The following FANK1 variants were observed in gnomAD, a reference collection of about 807,000 sequenced individuals.
The protein encoded by FANK1 is fibronectin type III and ankyrin repeat domains 1.
In FANK1, 44 loss-of-function variants were observed where a neutral mutation model predicts 45.3. The ratio of observed to expected loss-of-function variants is 0.97; its 90% confidence interval spans 0.76 to 1.25. The LOEUF is 1.25. Among genes scored for constraint, FANK1 ranks in the 50% most tolerant of loss-of-function variants. The pLI, the probability that FANK1 is intolerant of heterozygous loss-of-function variation, is 0.00. For missense variants in FANK1, 391 were observed against 424.4 expected (o/e 0.92, Z 0.69); for synonymous variants, 149 against 152.5 (o/e 0.98, Z 0.17).
intron 1 of FANK1, among the ~76,000 whole-genome samples, chr10:125,918,605 T>C (rs1490766246): frequency 2.6e-5 from 3 of 116,244 alleles, no homozygotes; most frequent in African/African-American, 9.8e-5. Context: ...TATATATATA[T>C]ATAGTTATAT....
intron 1 of FANK1, among the ~76,000 whole-genome samples, chr10:125,935,996 T>C (rs1448323452): frequency 3.3e-5 from 5 of 152,198 alleles, no homozygotes; most frequent in African/African-American, 1.2e-4. Flanking sequence ...CGTCATTAGG[T>C]AGTAGCATGT....
At chr10:125,919,291 C>G (rs543661537) in intron 1 of FANK1, among the ~76,000 whole-genome samples, 3 of 141,430 alleles carry the variant, frequency 2.1e-5, no homozygotes, top group Non-Finnish European at 4.5e-5. Context: ...CTGCAACCTC[C>G]GCTTCCCGGT....
intron 1 of FANK1, among the ~76,000 whole-genome samples, chr10:125,902,981 A>G (rs1945171591): frequency 1.3e-5 from 2 of 152,222 alleles, no homozygotes; most frequent in Admixed American, 1.3e-4. Context: ...AGTGTCTTTT[A>G]AACAGTCATG....
chr10:125,962,968 CATT>C (rs1950011737), intron 1 of FANK1, among the ~76,000 whole-genome samples: 1 of 150,740 alleles, frequency 6.6e-6, no homozygotes, highest in South Asian at 2.1e-4. Context: ...AATGTTGATA[CATT>C]ATTATTATTA....
At chr10:125,975,555 CT>C (rs1471766189) in intron 1 of FANK1, among the ~76,000 whole-genome samples, 1 of 152,076 alleles carries the variant, frequency 6.6e-6, no homozygotes, top group African/African-American at 2.4e-5. Context: ...GATGGCCTCT[CT>C]TTGTGGTTTT....
Position 125,973,358 on chromosome 10 carries a change from G to C in FANK1, c.14-6803G>C, listed in dbSNP as rs3740188. ...TAATCCATAACAGTCTACCATTCCT[G>C]GTGTTTGGTTTTAGTGGGCTGTGAA... On this transcript the variant is annotated intron_variant, in intron 1 of 10. Transcript: ENST00000368693. 9 of 834,110 alleles carry C rather than the reference G, an allele frequency of 1.1e-5. No individual in the cohort carries two copies. In the African/African-American group the frequency reaches 1.5e-4, roughly 14 times the overall value. The allele number at this position is 834,110 out of a possible 1,614,324, so 51.7% of individuals were successfully genotyped here.
chr10:126,000,844 C>T (rs117277814), intron 6 of FANK1, among the ~76,000 whole-genome samples: 2,545 of 152,232 alleles, frequency 0.017, 40 homozygotes, highest in Non-Finnish European at 0.027. Flanking sequence ...CCAAAAAAGC[C>T]TCCACACACA....
At chr10:125,980,546 C>A in intron 2 of FANK1, 1 of 510,896 alleles carries the variant, frequency 2.0e-6, no homozygotes, top group Non-Finnish European at 3.4e-6. Context: ...TTGAGAGCTT[C>A]TTTGACTTCT....
At chr10:125,953,841 T>C (rs1216968885) in intron 1 of FANK1, among the ~76,000 whole-genome samples, 1 of 152,164 alleles carries the variant, frequency 6.6e-6, no homozygotes, top group Non-Finnish European at 1.5e-5. Flanking sequence ...GCCTGTAACA[T>C]GGGCCATGAT....
Position 126,009,580 on chromosome 10 carries a change from T to C in FANK1, c.*142T>C. The C allele has an allele frequency of 1.2e-6, 1 of 841,474 alleles. No homozygotes were observed. The highest frequency in any genetic ancestry group is 1.8e-6 in the Non-Finnish European group (1 of 545,052). 52.1% of individuals were successfully genotyped at this position (841,474 alleles called of 1,614,324 possible). A position where few individuals can be genotyped will look rare whatever the true frequency, so the allele number is the denominator to read the frequency against. On this transcript the variant is annotated 3_prime_UTR_variant, in exon 11 of 11. Coordinates refer to ENST00000368693, the MANE Select transcript of FANK1 (RefSeq NM_145235.5). ...TTCACTGATCCCACTTTGAAATACA[T>C]CTTTTTACCTAAGCATGTGCGTATG...
intron 1 of FANK1, among the ~76,000 whole-genome samples, chr10:125,942,596 G>A (rs1344406959): frequency 6.6e-6 from 1 of 151,892 alleles, no homozygotes; most frequent in African/African-American, 2.4e-5. Context: ...CTAAAAACAA[G>A]AAAATAAATT....
intron 1 of FANK1, among the ~76,000 whole-genome samples, chr10:125,904,180 A>G (rs1217317041): frequency 5.3e-5 from 8 of 152,118 alleles, no homozygotes; most frequent in Admixed American, 5.2e-4. Context: ...CCTATCTTCT[A>G]CTCATGAAAA....
intron 7 of FANK1, among the ~76,000 whole-genome samples, chr10:126,005,363 A>G (rs1268416443): frequency 1.4e-5 from 2 of 144,250 alleles, no homozygotes; most frequent in Admixed American, 7.2e-5. Flanking sequence ...GCTGGAGTGC[A>G]GTGGCGCGAT....
intron 1 of FANK1, among the ~76,000 whole-genome samples, chr10:125,978,583 T>C (rs1029147427): frequency 4.6e-5 from 7 of 152,112 alleles, no homozygotes; most frequent in Middle Eastern, 3.2e-3. Context: ...GGTACCTGCT[T>C]AAAGCAGCTG....
rs1343622652 is a variant in FANK1 at position 125,901,252 on chromosome 10, A to G, written c.13+4597A>G. Among the ~76,000 whole-genome samples, 10 of 152,312 alleles carry G rather than the reference A, an allele frequency of 6.6e-5. 1 individual carries two copies. The South Asian group carries it at 1.2e-3, about 19-fold the overall frequency. ...AGTTACTCCAACCTGAAAATGAGTC[A>G]TCCTTGGCTCCTCATTATCAACCCT... On this transcript the variant is annotated intron_variant, in intron 1 of 10. Transcript: ENST00000368693.
At chr10:125,957,328 G>A (rs1425529601) in intron 1 of FANK1, among the ~76,000 whole-genome samples, 2 of 151,816 alleles carry the variant, frequency 1.3e-5, no homozygotes, top group African/African-American at 4.8e-5. Flanking sequence ...TGTTATTTTT[G>A]TTGTAGGCAG....
chr10:125,984,105 G>A lies in FANK1; in HGVS notation c.191+3767G>A, dbSNP rs564559816. 2.0e-4 allele frequency among the ~76,000 whole-genome samples: 30 copies of A among 152,312 alleles called. No individual in the cohort carries two copies. The East Asian group carries it at 2.9e-3, about 15-fold the overall frequency. ...CAAGGGATATGTGGTAGCCAGCACAGGCCCAGTGATGCTGCTGGAAGCATC... is the reference window on the plus strand; with the variant it reads ...CAAGGGATATGTGGTAGCCAGCACAAGCCCAGTGATGCTGCTGGAAGCATC... On this transcript the variant is annotated intron_variant, in intron 2 of 10. Transcript: ENST00000368693.
At chr10:125,946,317 G>A (rs1264152623) in intron 1 of FANK1, among the ~76,000 whole-genome samples, 6 of 148,866 alleles carry the variant, frequency 4.0e-5, no homozygotes, top group African/African-American at 7.4e-5. Flanking sequence ...TCTGAGCTAC[G>A]GGAGGACATT....
chr10:126,008,955 G>T, intron 8 of FANK1, 99 bp from the exon 9 acceptor site: 1 of 1,125,348 alleles, frequency 8.9e-7, no homozygotes, highest in South Asian at 1.4e-5. Flanking sequence ...GGGTTGCAGG[G>T]GGGCTGCTGG....
Sources: gnomAD v4.1 joint callset for allele counts (sites outside exome capture counted in the v4.1 genomes callset) on GRCh38, gnomAD v4.1.1 for gene constraint, MANE v1.5 for transcripts, NCBI Gene and HGNC (gene_info 2026-07-23, HGNC 2026-07-21) for gene names.